Variants in ADPRHL1 observed in about 807,000 individuals in gnomAD.
ADPRHL1 encodes the protein inactive ADP-ribosyltransferase ARH2.
Under a neutral mutation model 44.1 loss-of-function variants are expected in ADPRHL1, and 43 were observed. The observed-to-expected ratio is 0.98, with a 90% CI of 0.76 to 1.26. The LOEUF is 1.26. Among genes scored for constraint, ADPRHL1 ranks in the 50% most tolerant of loss-of-function variants. ADPRHL1 has a pLI of 0.00. For missense variants in ADPRHL1, 2,022 were observed against 2,496.9 expected (o/e 0.81, Z 4.05); for synonymous variants, 878 against 1,017.4 (o/e 0.86, Z 2.61).
intron 2 of ADPRHL1, among the ~76,000 whole-genome samples, chr13:113,443,339 GT>G (rs903018936): frequency 6.6e-6 from 1 of 152,132 alleles, no homozygotes; most frequent in Non-Finnish European, 1.5e-5. Flanking sequence ...GCTGGGTGTG[GT>G]GGCTCCTGCC....
chr13:113,408,396 G>A lies in ADPRHL1; in HGVS notation c.1062-176C>T, dbSNP rs188294359. 2.5e-4 allele frequency among the ~76,000 whole-genome samples: 38 copies of A among 152,304 alleles called. No individual in the cohort carries two copies. In the East Asian group the frequency reaches 4.8e-3, roughly 19 times the overall value. Reference sequence around the variant, plus strand: ...TCTGGGCTGTCTCTGCTGTTAATTCGGGGTTGGCAGGGATGCCAAAGCTTT... The same window carrying A: ...TCTGGGCTGTCTCTGCTGTTAATTCAGGGTTGGCAGGGATGCCAAAGCTTT... On this transcript the variant is annotated intron_variant, in intron 7 of 7. Coordinates refer to ENST00000612156, the MANE Select transcript of ADPRHL1 (RefSeq NM_001394807.1).
intron 2 of ADPRHL1, 74 bp downstream of exon 2, chr13:113,444,351 T>C: frequency 1.3e-6 from 2 of 1,548,476 alleles, no homozygotes; most frequent in Non-Finnish European, 1.8e-6. Context: ...TGGGGGTTAG[T>C]GGAAGGCAGA....
At position 113,434,849 on chromosome 13, in the gene ADPRHL1, C is replaced by A. The variant is rs145732564; in HGVS notation, c.380-982G>T. Reference sequence around the variant, plus strand: ...AACATAGGTGTACCCCGGGACCCGGCACCCAGGTGTAGAGTGAACATAGGT... The same window carrying A: ...AACATAGGTGTACCCCGGGACCCGGAACCCAGGTGTAGAGTGAACATAGGT... On this transcript the variant is annotated intron_variant, in intron 2 of 7. Transcript: ENST00000612156. 3.9e-4 allele frequency among the ~76,000 whole-genome samples: 14 copies of A among 36,072 alleles called. No homozygotes were observed. In the East Asian group the frequency reaches 6.1e-3, roughly 16 times the overall value. 23.7% of individuals were successfully genotyped at this position (36,072 alleles called of 152,430 possible).
rs1455563446 is a variant in ADPRHL1 at position 113,401,337 on chromosome 13, T to C, written c.*2041A>G. The C allele has an allele frequency of 6.6e-6, 1 of 152,176 alleles. No homozygotes were observed. Among genetic ancestry groups the C allele is most frequent in the Non-Finnish European group, 1.5e-5 (1 of 68,058 alleles). 9.4% of individuals were successfully genotyped at this position (152,176 alleles called of 1,614,324 possible). A position where few individuals can be genotyped will look rare whatever the true frequency, so the allele number is the denominator to read the frequency against. The stretch of plus-strand genomic sequence containing the variant: ...CTCCCAGGACTGCAGGGGCAGGGAC[T>C]CTGGAGGTCCGTGTGCTTCGTGAGA... On this transcript the variant is annotated 3_prime_UTR_variant, in exon 8 of 8. Coordinates refer to ENST00000612156, the MANE Select transcript of ADPRHL1 (RefSeq NM_001394807.1). The surrounding 1 kb of genome is among the most constrained non-coding windows in gnomAD (Gnocchi z 5.5).
chr13:113,423,204 C>A (rs1400664433), intron 6 of ADPRHL1, among the ~76,000 whole-genome samples: 3 of 152,096 alleles, frequency 2.0e-5, no homozygotes, highest in African/African-American at 7.2e-5. Flanking sequence ...TGGCAACGAG[C>A]CGAGATTGCC....
rs1157291590 is a variant in ADPRHL1 at position 113,403,689 on chromosome 13, C to CT, written c.5592dup (p.Gly1865ArgfsTer23). 72 of 1,231,988 alleles carry CT rather than the reference C, an allele frequency of 5.8e-5. No homozygotes were observed. The highest frequency in any genetic ancestry group is 7.0e-5 in the Non-Finnish European group (69 of 988,226). 76.3% of individuals were successfully genotyped at this position (1,231,988 alleles called of 1,614,324 possible). A position where few individuals can be genotyped will look rare whatever the true frequency, so the allele number is the denominator to read the frequency against. ...CTCTTGCCCCTGAGGGGGCGGCTTC[C>CT]TGGGGGTGGGTACCCGGCGCTGGGC... On this transcript the variant is annotated frameshift_variant, in exon 8 of 8. Coordinates refer to ENST00000612156, the MANE Select transcript of ADPRHL1 (RefSeq NM_001394807.1). LOFTEE classifies it low-confidence loss of function (END_TRUNC).
rs1173846837 is a variant in ADPRHL1 at position 113,400,135 on chromosome 13, C to CTT, written c.*3241_*3242dup. On this transcript the variant is annotated 3_prime_UTR_variant, in exon 8 of 8. Transcript: ENST00000612156. The stretch of plus-strand genomic sequence containing the variant: ...TAAAATAAATATCCTGTTTTCTTTT[C>CTT]TTTTCTTTTCTTCTTTTTTTTTTTT... The CTT allele has an allele frequency of 1.4e-5, 2 of 141,384 alleles. No individual in the cohort carries two copies. Among genetic ancestry groups the CTT allele is most frequent in the African/African-American group, 5.6e-5 (2 of 35,556 alleles). 8.8% of individuals were successfully genotyped at this position (141,384 alleles called of 1,614,324 possible). A position where few individuals can be genotyped will look rare whatever the true frequency, so the allele number is the denominator to read the frequency against.
chr13:113,439,881 G>A (rs1274964978), intron 2 of ADPRHL1, among the ~76,000 whole-genome samples: 1 of 152,152 alleles, frequency 6.6e-6, no homozygotes, highest in Non-Finnish European at 1.5e-5. Flanking sequence ...ATAAAATTGT[G>A]AATAATATTC....
chr13:113,434,741 A>G, intron 2 of ADPRHL1, among the ~76,000 whole-genome samples: 1 of 123,156 alleles, frequency 8.1e-6, no homozygotes, highest in Admixed American at 7.9e-5. Context: ...CGTAGAGTGA[A>G]CATAGGTGTA....
chr13:113,415,194 C>T lies in ADPRHL1; in HGVS notation c.1062-6974G>A, dbSNP rs2043880998. The stretch of plus-strand genomic sequence containing the variant: ...CACCTTTGGGCTCCTGGGGTTCTTG[C>T]TGGTCAGCCTAGAGGGACGAGAGCC... On this transcript the variant is annotated intron_variant, in intron 7 of 7. Coordinates refer to ENST00000612156, the MANE Select transcript of ADPRHL1 (RefSeq NM_001394807.1). Among the ~76,000 whole-genome samples the T allele has an allele frequency of 3.9e-5, 6 of 152,280 alleles. No homozygotes were observed. In the South Asian group the frequency reaches 1.2e-3, roughly 32 times the overall value.
rs1209254428 is a variant in ADPRHL1 at position 113,403,886 on chromosome 13, C to T, written c.5396G>A (p.Arg1799Gln). The T allele has an allele frequency of 7.9e-6, 10 of 1,263,872 alleles. No homozygotes were observed. Among genetic ancestry groups the T allele is most frequent in the African/African-American group, 4.6e-5 (3 of 64,700 alleles). 78.3% of individuals were successfully genotyped at this position (1,263,872 alleles called of 1,614,324 possible). The change falls in exon 8 of 8, where the codon CGG becomes CAG. Residue 1799 changes from arginine (R) to glutamine (Q), a missense_variant. Arg to Gln is a conservative substitution (Grantham distance 43). Around this residue, in one of 8 missense-constraint regions of ADPRHL1, gnomAD observed 205 missense variants for 250.1 expected, o/e 0.82. Transcript: ENST00000612156. Reference protein sequence around the residue: ...QRQTQKGAQERAWEQGREQAL... With the variant: ...QRQTQKGAQEQAWEQGREQAL... Reference sequence around the variant, plus strand: ...CTGTTCCCGACCCTGTTCCCAAGCCCGTTCCTGAGCCCCTTTCTGGGTCTG... The same window carrying T: ...CTGTTCCCGACCCTGTTCCCAAGCCTGTTCCTGAGCCCCTTTCTGGGTCTG...
rs1334854953 is a variant in ADPRHL1, at chr13:113,404,820, C to T, written c.4462G>A (p.Ala1488Thr). 1.6e-6 allele frequency: 2 copies of T among 1,254,296 alleles called. No individual in the cohort carries two copies. Among genetic ancestry groups the T allele is most frequent in the African/African-American group, 1.5e-5 (1 of 64,666 alleles). The allele number at this position is 1,254,296 out of a possible 1,614,324, so 77.7% of individuals were successfully genotyped here. Residue 1488 changes from alanine (A) to threonine (T), a missense_variant, in exon 8 of 8, where the codon GCC becomes ACC. By Grantham distance (58) the Ala-to-Thr change is moderately conservative. Coordinates refer to ENST00000612156, the MANE Select transcript of ADPRHL1 (RefSeq NM_001394807.1). The part of the protein sequence containing the change: ...GPGSPAAQGQ[A>T]QKQVQEWDRG... ...TCCCATTCCTGAACCTGTTTCTGGG[C>T]CTGTCCTTGGGCTGCCGGGCTTCCC...
Position 113,406,053 on chromosome 13 carries a change from ACT to A in ADPRHL1, c.3227_3228del (p.Glu1076ValfsTer15). ...LEECRRPLLI[E>X]SSQPLKAAEE... ...TCGGCAGCCTTCAGGGGCTGAGAAG[ACT>A]CTATTAGCAGCGGCCTTCTGCATTC... On this transcript the variant is annotated frameshift_variant, in exon 8 of 8. Transcript: ENST00000612156. LOFTEE classifies it low-confidence loss of function (END_TRUNC). The A allele has an allele frequency of 2.4e-6, 3 of 1,231,970 alleles. No individual in the cohort carries two copies. The highest frequency in any genetic ancestry group is 3.0e-6 in the Non-Finnish European group (3 of 988,006). 76.3% of individuals were successfully genotyped at this position (1,231,970 alleles called of 1,614,324 possible). A position where few individuals can be genotyped will look rare whatever the true frequency, so the allele number is the denominator to read the frequency against.
chr13:113,412,464 C>T (rs537326087), intron 7 of ADPRHL1, among the ~76,000 whole-genome samples: 86 of 152,356 alleles, frequency 5.6e-4, no homozygotes, highest in Middle Eastern at 6.8e-3. Flanking sequence ...AGGCGTGAGC[C>T]ACCGCGCCCA....
chr13:113,421,064 C>A lies in ADPRHL1; in HGVS notation c.1061+1762G>T, dbSNP rs2043915729. 4.4e-5 allele frequency among the ~76,000 whole-genome samples: 6 copies of A among 135,732 alleles called. 1 individual carries two copies. The highest frequency in any genetic ancestry group is 2.9e-4 in the Admixed American group (4 of 13,650). The allele number at this position is 135,732 out of a possible 152,430, so 89.0% of individuals were successfully genotyped here. A position where few individuals can be genotyped will look rare whatever the true frequency, so the allele number is the denominator to read the frequency against. On this transcript the variant is annotated intron_variant, in intron 7 of 7. Coordinates refer to ENST00000612156, the MANE Select transcript of ADPRHL1 (RefSeq NM_001394807.1). ...ACATGCCTACCCTGGGACATCCCTA[C>A]CCCCAGGACATGCCTATCCCCAGGA...
intron 6 of ADPRHL1, among the ~76,000 whole-genome samples, chr13:113,423,418 G>A (rs144921448): frequency 2.6e-5 from 4 of 152,348 alleles, no homozygotes; most frequent in East Asian, 1.9e-4. Flanking sequence ...GCCCGAGGCC[G>A]CATGGTCCCA....
At chr13:113,435,377 G>A (rs2044045517) in intron 2 of ADPRHL1, among the ~76,000 whole-genome samples, 1 of 139,416 alleles carries the variant, frequency 7.2e-6, no homozygotes, top group East Asian at 2.3e-4. Flanking sequence ...GTGAACATAG[G>A]TGTACCCCAG....
chr13:113,431,979 A>G (rs945489057), intron 3 of ADPRHL1, among the ~76,000 whole-genome samples: 2 of 152,226 alleles, frequency 1.3e-5, no homozygotes, highest in Non-Finnish European at 2.9e-5. Context: ...GGCACCCCCA[A>G]AGTGCTGGGA....
intron 7 of ADPRHL1, among the ~76,000 whole-genome samples, chr13:113,415,750 C>CAAAAAAAAAAAAAAAAAAAA (rs71214119): frequency 1.6e-5 from 1 of 63,072 alleles, no homozygotes; most frequent in African/African-American, 6.0e-5. Context: ...GACTCCATCT[C>CAAAAAAAAAAAAAAAAAAAA]AAAAAAAAAA....
Sources: gnomAD v4.1 joint callset for allele counts (sites outside exome capture counted in the v4.1 genomes callset) on GRCh38, gnomAD v4.1.1 for gene constraint, gnomAD v4.1.1 regional missense constraint, Gnocchi (gnomAD v3.1) non-coding constraint, MANE v1.5 for transcripts, NCBI Gene and HGNC (gene_info 2026-07-23, HGNC 2026-07-21) for gene names.